Variants in NUBPL observed in about 807,000 individuals in gnomAD.
NUBPL encodes NUBP iron-sulfur cluster assembly factor, mitochondrial, also known as iron-sulfur cluster transfer protein NUBPL.
Under a neutral mutation model 45.7 loss-of-function variants are expected in NUBPL, and 31 were observed. That is an observed-to-expected ratio of 0.68 (90% confidence interval 0.51 to 0.92). The LOEUF is 0.92. NUBPL is among the 40% of genes least tolerant of loss of function. The pLI is 0.00. For missense variants in NUBPL, 401 were observed against 398.7 expected, an observed-to-expected ratio of 1.01 and a Z score of -0.05; for synonymous variants, 144 against 140.9, an observed-to-expected ratio of 1.02 and a Z score of -0.15.
At chr14:31,644,307 T>C (rs963732864) in intron 4 of NUBPL, among the ~76,000 whole-genome samples, 1 of 152,102 alleles carries the variant, frequency 6.6e-6, no homozygotes, top group African/African-American at 2.4e-5. Flanking sequence ...ACTTCCATCT[T>C]CATACTGTTT....
chr14:31,755,346 C>T (rs1299330139), intron 6 of NUBPL, among the ~76,000 whole-genome samples: 3 of 152,192 alleles, frequency 2.0e-5, no homozygotes, highest in African/African-American at 7.2e-5. Flanking sequence ...TTCTCCACAT[C>T]CTCTCCAGCA....
intron 6 of NUBPL, among the ~76,000 whole-genome samples, chr14:31,756,215 A>C (rs916303069): frequency 5.9e-5 from 9 of 152,156 alleles, no homozygotes; most frequent in African/African-American, 1.9e-4. Flanking sequence ...ACTTTAAAGT[A>C]GTTTTTTCGA....
At chr14:31,621,577 TGA>T (rs2035063100) in intron 4 of NUBPL, among the ~76,000 whole-genome samples, 2 of 152,076 alleles carry the variant, frequency 1.3e-5, no homozygotes, top group African/African-American at 4.8e-5. Context: ...CCAGGTGAGG[TGA>T]TGCCCCACCC....
At chr14:31,636,158 T>C (rs1283411045) in intron 4 of NUBPL, among the ~76,000 whole-genome samples, 1 of 152,112 alleles carries the variant, frequency 6.6e-6, no homozygotes, top group Non-Finnish European at 1.5e-5. Flanking sequence ...AGGGCATCCC[T>C]GTCTTGTGTC....
intron 6 of NUBPL, among the ~76,000 whole-genome samples, chr14:31,737,289 TCTCA>T (rs1340720882): frequency 7.2e-5 from 11 of 152,344 alleles, no homozygotes; most frequent in Admixed American, 5.9e-4. Flanking sequence ...ATGTCTATGA[TCTCA>T]CTCAAATTAA....
At chr14:31,752,387 T>C (rs1246560253) in intron 6 of NUBPL, among the ~76,000 whole-genome samples, 1 of 152,214 alleles carries the variant, frequency 6.6e-6, no homozygotes, top group South Asian at 2.1e-4. Context: ...CTTAGAAATT[T>C]ATTCTGCCAG....
chr14:31,851,567 TTC>T, intron 10 of NUBPL, among the ~76,000 whole-genome samples: 1 of 152,344 alleles, frequency 6.6e-6, no homozygotes, highest in East Asian at 1.9e-4. Flanking sequence ...ACCATTATTT[TTC>T]TCTTCTCTGT....
At position 31,788,774 on chromosome 14, in the gene NUBPL, A is replaced by G. The variant is rs546486209; in HGVS notation, c.607+901A>G. On this transcript the variant is annotated intron_variant, in intron 7 of 10. Transcript: ENST00000281081. ...CCCCTCCTCTCTGTTCATACCTAGC[A>G]TGCAGGTTTTGGGTAGTCTCTGGGA... Among the ~76,000 whole-genome samples, 4 of 152,248 alleles carry G rather than the reference A, an allele frequency of 2.6e-5. No individual in the cohort carries two copies. The East Asian group carries it at 7.7e-4, about 29-fold the overall frequency.
chr14:31,638,756 A>G (rs2035587250), intron 4 of NUBPL, among the ~76,000 whole-genome samples: 1 of 152,132 alleles, frequency 6.6e-6, no homozygotes, highest in African/African-American at 2.4e-5. Context: ...GTTTTCACAT[A>G]GTCCCATATC....
chr14:31,819,390 G>A (rs1293745734), intron 7 of NUBPL, among the ~76,000 whole-genome samples: 2 of 152,136 alleles, frequency 1.3e-5, no homozygotes, highest in Non-Finnish European at 2.9e-5. Context: ...ATAATTGTAA[G>A]GTATGGAATT....
intron 4 of NUBPL, among the ~76,000 whole-genome samples, chr14:31,615,569 T>C (rs1226356197): frequency 6.6e-6 from 1 of 152,178 alleles, no homozygotes; most frequent in Non-Finnish European, 1.5e-5. Context: ...ATTCCTGTGT[T>C]AGTTTGCTGA....
chr14:31,791,560 G>A (rs940479573), intron 7 of NUBPL, among the ~76,000 whole-genome samples: 1 of 152,146 alleles, frequency 6.6e-6, no homozygotes, highest in Non-Finnish European at 1.5e-5. Context: ...AATTTAGGAA[G>A]TTTACACTCC....
At chr14:31,743,580 G>A (rs775357036) in intron 6 of NUBPL, among the ~76,000 whole-genome samples, 92 of 152,080 alleles carry the variant, frequency 6.0e-4, no homozygotes, top group Non-Finnish European at 9.9e-4. Context: ...GGATTTCGCC[G>A]TGTTGGCCAG....
At chr14:31,772,130 T>C (rs1414464075) in intron 6 of NUBPL, among the ~76,000 whole-genome samples, 3 of 152,190 alleles carry the variant, frequency 2.0e-5, no homozygotes, top group African/African-American at 7.2e-5. Flanking sequence ...TTAAGACCTT[T>C]AGTAAAAGTG....
intron 10 of NUBPL, among the ~76,000 whole-genome samples, chr14:31,858,627 G>A (rs1440837889): frequency 6.6e-6 from 1 of 152,020 alleles, no homozygotes; most frequent in African/African-American, 2.4e-5. Flanking sequence ...AGGTGAAAGA[G>A]CCTATAGGTG....
intron 6 of NUBPL, among the ~76,000 whole-genome samples, chr14:31,736,527 G>T (rs965644404): frequency 2.6e-5 from 4 of 152,010 alleles, no homozygotes; most frequent in African/African-American, 7.2e-5. Flanking sequence ...CCATGTTTTT[G>T]CATGAATCCT....
At chr14:31,803,698 T>C (rs1306628616) in intron 7 of NUBPL, among the ~76,000 whole-genome samples, 2 of 152,218 alleles carry the variant, frequency 1.3e-5, no homozygotes, top group African/African-American at 2.4e-5. Flanking sequence ...GAAAGAGTTA[T>C]TGTTGTATTC....
In NUBPL at chr14:31,632,416, TCTC is replaced by T. The variant is rs1284760732; in HGVS notation, c.382+33040_382+33042del. 3.3e-5 allele frequency among the ~76,000 whole-genome samples: 5 copies of T among 152,244 alleles called. No individual in the cohort carries two copies. The East Asian group carries it at 7.7e-4, about 24-fold the overall frequency. On this transcript the variant is annotated intron_variant, in intron 4 of 10. Coordinates refer to ENST00000281081, the MANE Select transcript of NUBPL (RefSeq NM_025152.3). ...ACCACCCTCTCCTCCTTCTTTCTGA[TCTC>T]CTGCTTTTGAGGCAGTCTGTATAGA...
At chr14:31,833,662 T>G (rs901914644) in intron 8 of NUBPL, among the ~76,000 whole-genome samples, 1 of 152,194 alleles carries the variant, frequency 6.6e-6, no homozygotes, top group African/African-American at 2.4e-5. Flanking sequence ...AGTAGCCTTC[T>G]TCCATGCAGT....
Sources: allele counts gnomAD v4.1 joint callset (sites outside exome capture counted in the v4.1 genomes callset), GRCh38; gene constraint gnomAD v4.1.1; transcripts MANE v1.5; gene names NCBI Gene and HGNC (gene_info 2026-07-23, HGNC 2026-07-21).